The following KSR1 variants were observed in gnomAD, a reference collection of about 807,000 sequenced individuals.
The protein encoded by KSR1 is kinase suppressor of ras.
Under a neutral mutation model 92.9 loss-of-function variants are expected in KSR1, and 35 were observed. That is an observed-to-expected ratio of 0.38 (90% CI 0.29 to 0.50). KSR1 has a LOEUF of 0.50. KSR1 is among the 20% of genes least tolerant of loss of function. The pLI, the probability that KSR1 is intolerant of heterozygous loss-of-function variation, is 0.94. For synonymous variants in KSR1, 467 were observed against 472.6 expected, an observed-to-expected ratio of 0.99 and a Z score of 0.15; for missense variants, 972 against 1,158.5, an observed-to-expected ratio of 0.84 and a Z score of 2.34.
At chr17:27,601,037 C>T (rs981579144) in intron 10 of KSR1, among the ~76,000 whole-genome samples, 2 of 152,244 alleles carry the variant, frequency 1.3e-5, no homozygotes, top group African/African-American at 4.8e-5. Flanking sequence ...TTTTCAGAAT[C>T]ACTGTTTCTC....
intron 1 of KSR1, among the ~76,000 whole-genome samples, chr17:27,495,155 T>G (rs1162373931): frequency 2.6e-5 from 4 of 152,192 alleles, no homozygotes; most frequent in African/African-American, 9.7e-5. Flanking sequence ...GACTTGATTT[T>G]AGCAGGACAG....
intron 2 of KSR1, among the ~76,000 whole-genome samples, chr17:27,562,171 TTGG>T (rs2071857916): frequency 1.3e-5 from 2 of 152,166 alleles, no homozygotes; most frequent in African/African-American, 4.8e-5. Flanking sequence ...GATCAATCCT[TTGG>T]ATTTCTGGGC....
intron 1 of KSR1, among the ~76,000 whole-genome samples, chr17:27,530,263 G>A (rs2070480491): frequency 6.6e-6 from 1 of 152,074 alleles, no homozygotes; most frequent in African/African-American, 2.4e-5. Flanking sequence ...TGGGCAACAT[G>A]GTGAAACCCT....
intron 20 of KSR1, 32 bp from the exon 21 acceptor site, chr17:27,623,282 G>A (rs777556085): frequency 4.0e-6 from 3 of 757,158 alleles, no homozygotes; most frequent in Admixed American, 3.5e-5. Flanking sequence ...GATCAATGGG[G>A]CTATAATTCT....
At position 27,459,613 on chromosome 17, in the gene KSR1, A is replaced by G. The variant is rs372300877; in HGVS notation, c.231+2739A>G. Among the ~76,000 whole-genome samples, 34 of 152,362 alleles carry G rather than the reference A, an allele frequency of 2.2e-4. No homozygotes were observed. In the Middle Eastern group the frequency reaches 0.01, roughly 46 times the overall value. Reference sequence around the variant, plus strand: ...CGTGGCCCCAGAGACTGTGCTTGCAACACTGGATTCCTGGCTTTTGAAGAA... The same window carrying G: ...CGTGGCCCCAGAGACTGTGCTTGCAGCACTGGATTCCTGGCTTTTGAAGAA... On this transcript the variant is annotated intron_variant, in intron 1 of 20. Transcript: ENST00000644974. The surrounding 1 kb of genome is among the most constrained non-coding windows in gnomAD (Gnocchi z 4.6).
intron 1 of KSR1, among the ~76,000 whole-genome samples, chr17:27,477,090 T>C (rs1215257488): frequency 6.6e-6 from 1 of 152,190 alleles, no homozygotes; most frequent in Non-Finnish European, 1.5e-5. Context: ...GACATTGCCA[T>C]GGTATATGTA....
chr17:27,461,157 C>T (rs1234997748), intron 1 of KSR1, among the ~76,000 whole-genome samples: 1 of 152,198 alleles, frequency 6.6e-6, no homozygotes, highest in Non-Finnish European at 1.5e-5. Context: ...TCTCGGATCA[C>T]TGCAATCTCA....
At chr17:27,493,029 T>C (rs560499117) in intron 1 of KSR1, among the ~76,000 whole-genome samples, 71 of 152,336 alleles carry the variant, frequency 4.7e-4, no homozygotes, top group African/African-American at 1.6e-3. Flanking sequence ...ATAGAAAGCA[T>C]TGGCACTGGG....
At chr17:27,460,149 G>A (rs776395416) in intron 1 of KSR1, among the ~76,000 whole-genome samples, 6 of 152,120 alleles carry the variant, frequency 3.9e-5, no homozygotes, top group Non-Finnish European at 8.8e-5. Context: ...AAACTCCACC[G>A]AGGCAAACGG....
chr17:27,468,039 G>T (rs561197976), intron 1 of KSR1, among the ~76,000 whole-genome samples: 67 of 151,864 alleles, frequency 4.4e-4, no homozygotes, highest in African/African-American at 1.5e-3. Context: ...GGATGGTCTC[G>T]ATCTCCTGAC....
chr17:27,522,129 T>A (rs560067664), intron 1 of KSR1, among the ~76,000 whole-genome samples: 1 of 152,232 alleles, frequency 6.6e-6, no homozygotes, highest in South Asian at 2.1e-4. Flanking sequence ...AGTGGAAAGG[T>A]GGATACCAGA....
intron 1 of KSR1, among the ~76,000 whole-genome samples, chr17:27,511,892 C>T (rs1043382758): frequency 2.0e-5 from 3 of 152,232 alleles, no homozygotes; most frequent in Admixed American, 6.5e-5. Flanking sequence ...AGGATAAGCA[C>T]ACCCGACAAA....
intron 20 of KSR1, chr17:27,623,050 C>T (rs1249980603): frequency 2.0e-5 from 11 of 550,112 alleles, no homozygotes; most frequent in Admixed American, 1.4e-4. Context: ...TAGGAACCCA[C>T]AGCAGTACTG....
chr17:27,555,007 T>C (rs949155826), intron 2 of KSR1, among the ~76,000 whole-genome samples: 2 of 152,242 alleles, frequency 1.3e-5, no homozygotes, highest in African/African-American at 2.4e-5. Context: ...TATATTACAA[T>C]GAACGCAACT....
chr17:27,544,792 C>T (rs1157687373), intron 1 of KSR1, among the ~76,000 whole-genome samples: 1 of 152,228 alleles, frequency 6.6e-6, no homozygotes, highest in African/African-American at 2.4e-5. Context: ...CCCTTTTAGG[C>T]CCCCAGGGCT....
At chr17:27,616,241 G>A (rs1449457996) in intron 18 of KSR1, among the ~76,000 whole-genome samples, 1 of 151,904 alleles carries the variant, frequency 6.6e-6, no homozygotes, top group Admixed American at 6.6e-5. Flanking sequence ...GTTTACTTTT[G>A]TGGAAATCCC....
intron 1 of KSR1, among the ~76,000 whole-genome samples, chr17:27,458,115 G>A (rs748643754): frequency 6.6e-6 from 1 of 152,150 alleles, no homozygotes; most frequent in Non-Finnish European, 1.5e-5. Flanking sequence ...TACAGTCAGT[G>A]CTGGGTATTA....
intron 1 of KSR1, among the ~76,000 whole-genome samples, chr17:27,516,703 C>A (rs1346322037): frequency 1.3e-5 from 2 of 152,174 alleles, no homozygotes. Flanking sequence ...GCTCTATAGC[C>A]TGCTTTCATT....
At chr17:27,596,854 T>C (rs1035391293) in intron 9 of KSR1, among the ~76,000 whole-genome samples, 1 of 152,128 alleles carries the variant, frequency 6.6e-6, no homozygotes, top group African/African-American at 2.4e-5. Flanking sequence ...AGTCACTGAG[T>C]ATGTGACGGT....
Sources: allele counts gnomAD v4.1 joint callset (sites outside exome capture counted in the v4.1 genomes callset), GRCh38; gene constraint gnomAD v4.1.1; non-coding constraint Gnocchi (gnomAD v3.1); transcripts MANE v1.5; gene names NCBI Gene and HGNC (gene_info 2026-07-23, HGNC 2026-07-21).